The following SERPIND1 variants were observed in gnomAD, a reference collection of about 807,000 sequenced individuals.
SERPIND1 encodes serpin family D member 1.
Under a neutral mutation model 35.0 loss-of-function variants are expected in SERPIND1, and 34 were observed. That is an observed-to-expected ratio of 0.97 (90% CI 0.74 to 1.29). SERPIND1 has a LOEUF of 1.29. Among genes scored for constraint, SERPIND1 ranks in the 50% most tolerant of loss-of-function variants. SERPIND1 has a pLI of 0.00. For missense variants in SERPIND1, 633 were observed against 637.7 expected (o/e 0.99, Z 0.08); for synonymous variants, 236 against 241.1 (o/e 0.98, Z 0.19).
At chr22:20,783,476 C>T (rs1470190310) in intron 2 of SERPIND1, among the ~76,000 whole-genome samples, 2 of 150,160 alleles carry the variant, frequency 1.3e-5, no homozygotes, top group Non-Finnish European at 3.0e-5. Flanking sequence ...AATAGCCAGG[C>T]GTGGCATGTG....
At chr22:20,778,183 A>G (rs986255858) in intron 1 of SERPIND1, among the ~76,000 whole-genome samples, 1 of 152,098 alleles carries the variant, frequency 6.6e-6, no homozygotes, top group Non-Finnish European at 1.5e-5. Flanking sequence ...TCAGCACTAG[A>G]CAAGTTCCAA....
intron 3 of SERPIND1, among the ~76,000 whole-genome samples, chr22:20,784,479 G>A (rs893177499): frequency 1.3e-5 from 2 of 152,164 alleles, no homozygotes; most frequent in African/African-American, 4.8e-5. Flanking sequence ...AGAAGTTAGA[G>A]GCAGATGACT....
chr22:20,785,546 T>C (rs1193284621), intron 3 of SERPIND1, among the ~76,000 whole-genome samples: 1 of 152,174 alleles, frequency 6.6e-6, no homozygotes, highest in Non-Finnish European at 1.5e-5. Flanking sequence ...CCCTTAGGGA[T>C]TGAGTAAGTT....
At chr22:20,774,489 G>A (rs766636927) in intron 1 of SERPIND1, among the ~76,000 whole-genome samples, 18 of 152,226 alleles carry the variant, frequency 1.2e-4, no homozygotes, top group Middle Eastern at 3.2e-3. Context: ...GGGGCCGGGT[G>A]CAGTGGCTCA....
chr22:20,785,949 T>C, intron 3 of SERPIND1, 55 bp from the exon 4 acceptor site: 1 of 1,612,566 alleles, frequency 6.2e-7, no homozygotes, highest in South Asian at 1.1e-5. Context: ...AAATCATGAT[T>C]CTTTTGTAAC....
chr22:20,786,220 C>G, intron 4 of SERPIND1, 72 bp downstream of exon 4: 1 of 1,531,398 alleles, frequency 6.5e-7, no homozygotes, highest in Non-Finnish European at 9.0e-7. Flanking sequence ...TCCACTTGCC[C>G]TTCCTACCCA....
chr22:20,786,804 G>A, intron 4 of SERPIND1, 71 bp from the exon 5 acceptor site: 1 of 1,420,312 alleles, frequency 7.0e-7, no homozygotes, highest in Non-Finnish European at 1.0e-6. Flanking sequence ...TGAATGATAT[G>A]AGATTGTGCT....
intron 2 of SERPIND1, 134 bp downstream of exon 2, chr22:20,780,335 CG>C: frequency 7.1e-7 from 1 of 1,400,592 alleles, no homozygotes; most frequent in Non-Finnish European, 1.0e-6. Context: ...GACTCTGGAA[CG>C]GGGACAGGGA....
At position 20,787,182 on chromosome 22, in the gene SERPIND1, A is replaced by G; in HGVS notation, c.*116A>G. ...TACGTAGTTTACGCTACCAATCTGAATTCGAGGCCCATATGAGAGGAGCTT... is the reference window on the plus strand; with the variant it reads ...TACGTAGTTTACGCTACCAATCTGAGTTCGAGGCCCATATGAGAGGAGCTT... On this transcript the variant is annotated 3_prime_UTR_variant, in exon 5 of 5. Coordinates refer to ENST00000215727, the MANE Select transcript of SERPIND1 (RefSeq NM_000185.4). 1 of 947,272 alleles carries G rather than the reference A, an allele frequency of 1.1e-6. No homozygotes were observed. Among genetic ancestry groups the G allele is most frequent in the Non-Finnish European group, 1.7e-6 (1 of 599,248 alleles). 58.7% of individuals were successfully genotyped at this position (947,272 alleles called of 1,614,324 possible). A position where few individuals can be genotyped will look rare whatever the true frequency, so the allele number is the denominator to read the frequency against.
chr22:20,785,175 T>C (rs553373740), intron 3 of SERPIND1, among the ~76,000 whole-genome samples: 1 of 151,538 alleles, frequency 6.6e-6, no homozygotes, highest in African/African-American at 2.4e-5. Context: ...ACTTAAGTGA[T>C]CCTCTCACCT....
At position 20,779,769 on chromosome 22, in the gene SERPIND1, A is replaced by C. The variant is rs1300904900; in HGVS notation, c.457A>C (p.Ile153Leu). The change falls in exon 2 of 5, where the codon ATA becomes CTA. Residue 153 changes from isoleucine to leucine, a missense_variant. Transcript: ENST00000215727. The part of the protein sequence containing the change: ...DQVNTFDNIF[I>L]APVGISTAMG... ...GGTCAACACTTTCGATAACATCTTC[A>C]TAGCACCCGTTGGCATTTCTACTGC... 5 of 1,614,222 alleles carry C rather than the reference A, an allele frequency of 3.1e-6. No individual in the cohort carries two copies. The highest frequency in any genetic ancestry group is 3.3e-4 in the Middle Eastern group (2 of 6,062).
Position 20,780,062 on chromosome 22 carries a change from A to ATC in SERPIND1, c.750_751insTC (p.Ala251SerfsTer18). ...AGTATTACTTTGCTGAGGCCCAGATAGCTGACTTCTCAGACCCTGCCTTCA... is the reference window on the plus strand; with the variant it reads ...AGTATTACTTTGCTGAGGCCCAGATATCGCTGACTTCTCAGACCCTGCCTTCA... On this transcript the variant is annotated frameshift_variant, in exon 2 of 5. Coordinates refer to ENST00000215727, the MANE Select transcript of SERPIND1 (RefSeq NM_000185.4). LOFTEE classifies it high-confidence loss of function. 1 of 1,614,192 alleles carries ATC rather than the reference A, an allele frequency of 6.2e-7. No homozygotes were observed.
At chr22:20,777,814 G>GGATTTGGCAGTCAAAACA (rs1933424358) in intron 1 of SERPIND1, among the ~76,000 whole-genome samples, 2 of 152,156 alleles carry the variant, frequency 1.3e-5, no homozygotes, top group African/African-American at 4.8e-5. Context: ...GAAAGACAAA[G>GGATTTGGCAGTCAAAACA]GATTTGGCAG....
At position 20,779,859 on chromosome 22, in the gene SERPIND1, T is replaced by C. The variant is rs1185148367; in HGVS notation, c.547T>C (p.Phe183Leu). 6.2e-7 allele frequency: 1 copy of C among 1,614,212 alleles called. No homozygotes were observed. The highest frequency in any genetic ancestry group is 1.7e-5 in the Admixed American group (1 of 60,024). Reference protein sequence around the residue: ...THEQVHSILHFKDFVNASSKY... With the variant: ...THEQVHSILHLKDFVNASSKY... Reference sequence around the variant, plus strand: ...TGAACAAGTGCACTCGATTTTGCATTTTAAAGACTTTGTTAATGCCAGCAG... The same window carrying C: ...TGAACAAGTGCACTCGATTTTGCATCTTAAAGACTTTGTTAATGCCAGCAG... Residue 183 changes from phenylalanine to leucine, a missense_variant, in exon 2 of 5, where the codon TTT becomes CTT. Phe to Leu is a conservative substitution (Grantham distance 22). Coordinates refer to ENST00000215727, the MANE Select transcript of SERPIND1 (RefSeq NM_000185.4).
intron 1 of SERPIND1, among the ~76,000 whole-genome samples, chr22:20,774,642 T>C (rs967376356): frequency 6.6e-6 from 1 of 151,024 alleles, no homozygotes; most frequent in Non-Finnish European, 1.5e-5. Flanking sequence ...GCGCCTGTAA[T>C]CCCAGCTACT....
In SERPIND1 at chr22:20,787,006, C is replaced by A; in HGVS notation, c.1440C>A (p.Tyr480Ter). Residue 480 changes from tyrosine to a stop codon, truncating the protein, a stop_gained, in exon 5 of 5, where the codon TAC becomes TAA. Coordinates refer to ENST00000215727, the MANE Select transcript of SERPIND1 (RefSeq NM_000185.4). LOFTEE classifies it high-confidence loss of function. ...ACCGCCCCTTTCTTTTCCTCATCTACGAGCATCGCACCAGCTGCCTGCTCT... is the reference window on the plus strand; with the variant it reads ...ACCGCCCCTTTCTTTTCCTCATCTAAGAGCATCGCACCAGCTGCCTGCTCT... Reference protein sequence around the residue: ...TVDRPFLFLIYEHRTSCLLFM... With the variant: ...TVDRPFLFLI 6.2e-7 allele frequency: 1 copy of A among 1,614,148 alleles called. No individual in the cohort carries two copies. Among genetic ancestry groups the A allele is most frequent in the Non-Finnish European group, 8.5e-7 (1 of 1,180,020 alleles).
At position 20,780,775 on chromosome 22, in the gene SERPIND1, C is replaced by CAAAAAAAAAAAAAAAAAAAAA. The variant is rs538327544; in HGVS notation, c.889+590_889+591insAAAAAAAAAAAAAAAAAAAAA. ...TGGACGACAGAGTGAGACTCCATCT[C>CAAAAAAAAAAAAAAAAAAAAA]AAAAAAAAAAAAAAAAGAAGTAAAA... On this transcript the variant is annotated intron_variant, in intron 2 of 4. Coordinates refer to ENST00000215727, the MANE Select transcript of SERPIND1 (RefSeq NM_000185.4). 6.5e-4 allele frequency among the ~76,000 whole-genome samples: 44 copies of CAAAAAAAAAAAAAAAAAAAAA among 67,596 alleles called. 1 individual carries two copies. Among genetic ancestry groups the CAAAAAAAAAAAAAAAAAAAAA allele is most frequent in the African/African-American group, 1.7e-3 (26 of 15,170 alleles). 44.3% of individuals were successfully genotyped at this position (67,596 alleles called of 152,430 possible).
In SERPIND1 at chr22:20,780,133, T is replaced by C. The variant is rs1446509305; in HGVS notation, c.821T>C (p.Ile274Thr). 3 of 1,614,188 alleles carry C rather than the reference T, an allele frequency of 1.9e-6. No individual in the cohort carries two copies. The highest frequency in any genetic ancestry group is 8.5e-7 in the Non-Finnish European group (1 of 1,180,030). ...NHIMKLTKGLIKDALENIDPA... is the reference protein window; with the variant it reads ...NHIMKLTKGLTKDALENIDPA... The stretch of plus-strand genomic sequence containing the variant: ...ATCATGAAGCTCACCAAGGGCCTCA[T>C]AAAAGATGCTCTGGAGAATATAGAC... Residue 274 changes from isoleucine to threonine, a missense_variant, in exon 2 of 5, where the codon ATA (isoleucine) becomes ACA (threonine). Coordinates refer to ENST00000215727, the MANE Select transcript of SERPIND1 (RefSeq NM_000185.4).
At chr22:20,776,844 C>A (rs755549674) in intron 1 of SERPIND1, among the ~76,000 whole-genome samples, 1 of 152,174 alleles carries the variant, frequency 6.6e-6, no homozygotes, top group Non-Finnish European at 1.5e-5. Context: ...ACATTAACCA[C>A]ACTGACAGCA....
Sources: allele counts gnomAD v4.1 joint callset (sites outside exome capture counted in the v4.1 genomes callset), GRCh38; gene constraint gnomAD v4.1.1; transcripts MANE v1.5; gene names NCBI Gene and HGNC (gene_info 2026-07-23, HGNC 2026-07-21).